The following MTHFS variants were observed in gnomAD, a reference collection of about 807,000 sequenced individuals.
MTHFS encodes 5-formyltetrahydrofolate cyclo-ligase.
In MTHFS, 7 loss-of-function variants were observed where a neutral mutation model predicts 12.7. The observed-to-expected ratio is 0.55, with a 90% CI of 0.31 to 1.03. The LOEUF (loss-of-function observed/expected upper bound fraction) is 1.03. Ranked by LOEUF, MTHFS falls within the 50% of genes least tolerant of loss-of-function variation. MTHFS has a pLI of 0.05. For synonymous variants in MTHFS, 100 were observed against 97.1 expected (o/e 1.03, Z -0.18); for missense variants, 252 against 258.1 (o/e 0.98, Z 0.16).
At chr15:79,896,665 C>G in intron 1 of MTHFS, 2 of 889,788 alleles carry the variant, frequency 2.2e-6, no homozygotes, top group South Asian at 3.8e-5. Context: ...CTTTCACTAC[C>G]GGGCCCTCTC....
At chr15:79,878,546 G>A (rs1352292092) in intron 2 of MTHFS, among the ~76,000 whole-genome samples, 2 of 149,138 alleles carry the variant, frequency 1.3e-5, no homozygotes, top group African/African-American at 2.5e-5. Context: ...TTATTCCATG[G>A]CCTTCACTAT....
chr15:79,845,932 C>G (rs1223794603), intron 2 of MTHFS, among the ~76,000 whole-genome samples: 1 of 152,184 alleles, frequency 6.6e-6, no homozygotes, highest in Non-Finnish European at 1.5e-5. Flanking sequence ...CCTACTCCCT[C>G]CTCATTTCCC....
intron 2 of MTHFS, among the ~76,000 whole-genome samples, chr15:79,864,127 G>T (rs1042651869): frequency 6.6e-6 from 1 of 152,214 alleles, no homozygotes; most frequent in African/African-American, 2.4e-5. Flanking sequence ...CTGTGAAAAT[G>T]AGATAATAAC....
intron 2 of MTHFS, among the ~76,000 whole-genome samples, chr15:79,859,362 G>A (rs2033868786): frequency 6.6e-6 from 1 of 152,124 alleles, no homozygotes; most frequent in South Asian, 2.1e-4. Context: ...AAAATACTAT[G>A]GCACTAGTGC....
rs747689133 is a variant in MTHFS at position 79,845,312 on chromosome 15, G to A, written c.510C>T (p.Thr170=). 4 of 1,614,018 alleles carry A rather than the reference G, an allele frequency of 2.5e-6. No homozygotes were observed. The African/African-American group carries it at 5.3e-5, about 22-fold the overall frequency. ...CLQHQEVKPY[T]LALAFKEQIC... is the part of the protein sequence containing the mutation. ...TCTGTTCTTTGAAAGCCAACGCCAG[G>A]GTGTAGGGCTTCACTTCCTGATGCT... The change falls in exon 3 of 3, where the codon ACC becomes ACT. Residue 170 remains threonine, a synonymous_variant. Coordinates refer to ENST00000258874, the MANE Select transcript of MTHFS (RefSeq NM_006441.4).
In MTHFS at chr15:79,865,487, G is replaced by A. The variant is rs144408711; in HGVS notation, c.380-20045C>T. Reference sequence around the variant, plus strand: ...CTTGGGAAGAGCCGGAAGGAAACCAGTGTGGAACTGCAGTCAAGCCCCCAG... The same window carrying A: ...CTTGGGAAGAGCCGGAAGGAAACCAATGTGGAACTGCAGTCAAGCCCCCAG... On this transcript the variant is annotated intron_variant, in intron 2 of 2. Coordinates refer to ENST00000258874, the MANE Select transcript of MTHFS (RefSeq NM_006441.4). Among the ~76,000 whole-genome samples the A allele has an allele frequency of 3.2e-3, 489 of 152,358 alleles. 5 individuals are homozygous for A. The highest frequency in any genetic ancestry group is 0.011 in the African/African-American group (457 of 41,594).
intron 1 of MTHFS, 121 bp downstream of exon 1, chr15:79,896,751 C>T: frequency 7.1e-7 from 1 of 1,410,472 alleles, no homozygotes; most frequent in Non-Finnish European, 9.3e-7. Context: ...GTGCGCGCGC[C>T]GGGGGGTGGG....
At chr15:79,886,525 A>G (rs1187160871) in intron 2 of MTHFS, among the ~76,000 whole-genome samples, 1 of 152,208 alleles carries the variant, frequency 6.6e-6, no homozygotes, top group Admixed American at 6.5e-5. Context: ...GGTACTACAA[A>G]TATAGCATAA....
chr15:79,885,272 C>T (rs1282415641), intron 2 of MTHFS, among the ~76,000 whole-genome samples: 3 of 152,112 alleles, frequency 2.0e-5, no homozygotes, highest in East Asian at 1.9e-4. Context: ...AGAAAGTCTT[C>T]GTTGTGATCA....
intron 1 of MTHFS, among the ~76,000 whole-genome samples, chr15:79,889,901 T>A (rs1455201526): frequency 2.6e-5 from 4 of 152,196 alleles, no homozygotes; most frequent in African/African-American, 7.2e-5. Flanking sequence ...TGTACTGTCA[T>A]GAGTGGGTCA....
intron 2 of MTHFS, among the ~76,000 whole-genome samples, chr15:79,886,407 T>C (rs561990273): frequency 6.6e-6 from 1 of 152,288 alleles, no homozygotes; most frequent in South Asian, 2.1e-4. Flanking sequence ...ACAGCGAGCT[T>C]TGACCCCAGA....
At chr15:79,851,721 A>G (rs1279735190) in intron 2 of MTHFS, among the ~76,000 whole-genome samples, 1 of 152,194 alleles carries the variant, frequency 6.6e-6, no homozygotes, top group Non-Finnish European at 1.5e-5. Flanking sequence ...TTCAACTCAT[A>G]AGAGACTCAG....
At chr15:79,846,320 G>A (rs2033614835) in intron 2 of MTHFS, among the ~76,000 whole-genome samples, 1 of 152,180 alleles carries the variant, frequency 6.6e-6, no homozygotes, top group African/African-American at 2.4e-5. Flanking sequence ...CCAGTAGTCT[G>A]CCCTGTAGCC....
intron 1 of MTHFS, 111 bp from the exon 2 acceptor site, chr15:79,889,465 G>GA (rs202204664): frequency 2.2e-3 from 1,250 of 570,968 alleles, no homozygotes; most frequent in Middle Eastern, 3.3e-3. Flanking sequence ...ATATTAAAAA[G>GA]AAAAAAAAAG....
chr15:79,892,394 A>T (rs1264037490), intron 1 of MTHFS, among the ~76,000 whole-genome samples: 1 of 152,224 alleles, frequency 6.6e-6, no homozygotes, highest in Non-Finnish European at 1.5e-5. Flanking sequence ...TTGATAAGAT[A>T]AACACATATT....
In MTHFS at chr15:79,859,817, CAAA is replaced by C. The variant is rs368106807; in HGVS notation, c.380-14378_380-14376del. On this transcript the variant is annotated intron_variant, in intron 2 of 2. Transcript: ENST00000258874. Reference sequence around the variant, plus strand: ...TGGAAGACAGAGAGAGAATACATGTCAAAAAAAAAAAAAAAAAAAAACCCTTAT... The same window carrying C: ...TGGAAGACAGAGAGAGAATACATGTCAAAAAAAAAAAAAAAAAACCCTTAT... Among the ~76,000 whole-genome samples, 499 of 58,884 alleles carry C rather than the reference CAAA, an allele frequency of 8.5e-3. 5 individuals carry two copies. Among genetic ancestry groups the C allele is most frequent in the African/African-American group, 0.025 (476 of 19,210 alleles). 38.6% of individuals were successfully genotyped at this position (58,884 alleles called of 152,430 possible). A position where few individuals can be genotyped will look rare whatever the true frequency, so the allele number is the denominator to read the frequency against.
chr15:79,845,760 GTGATTCTCCA>G (rs2033602827), intron 2 of MTHFS, among the ~76,000 whole-genome samples: 1 of 152,086 alleles, frequency 6.6e-6, no homozygotes, highest in Non-Finnish European at 1.5e-5. Context: ...TAGCATCCTG[GTGATTCTCCA>G]TACCTGTCAG....
chr15:79,853,939 G>A (rs2033757521), intron 2 of MTHFS, among the ~76,000 whole-genome samples: 1 of 152,194 alleles, frequency 6.6e-6, no homozygotes, highest in South Asian at 2.1e-4. Flanking sequence ...TAGACACTGT[G>A]CTAAGCTCTT....
intron 2 of MTHFS, chr15:79,877,317 AAAT>A: frequency 6.6e-6 from 1 of 152,228 alleles, no homozygotes; most frequent in Non-Finnish European, 1.5e-5. Flanking sequence ...TTTTTTTGAA[AAAT>A]AATGGCTGAG....
Sources: gnomAD v4.1 joint callset for allele counts (sites outside exome capture counted in the v4.1 genomes callset) on GRCh38, gnomAD v4.1.1 for gene constraint, MANE v1.5 for transcripts, NCBI Gene and HGNC (gene_info 2026-07-23, HGNC 2026-07-21) for gene names.